The following UGT1A9 variants were observed in gnomAD, a reference collection of about 807,000 sequenced individuals.
UGT1A9 encodes UDP-glucuronosyltransferase 1A9.
Under a neutral mutation model 45.0 loss-of-function variants are expected in UGT1A9, and 35 were observed. That is an observed-to-expected ratio of 0.78 (90% CI 0.59 to 1.03). The LOEUF is 1.03. UGT1A9 is among the 50% of genes least tolerant of loss of function. The pLI, the probability that UGT1A9 is intolerant of heterozygous loss-of-function variation, is 0.00. For missense variants in UGT1A9, 687 were observed against 666.6 expected (o/e 1.03, Z -0.34); for synonymous variants, 278 against 250.6 (o/e 1.11, Z -1.03).
At position 233,768,261 on chromosome 2, in the gene UGT1A9, C is replaced by T; in HGVS notation, c.1117C>T (p.His373Tyr). The change falls in exon 4 of 5, where the codon CAT becomes TAT. Residue 373 changes from histidine to tyrosine, a missense_variant. His to Tyr is a moderately conservative substitution (Grantham distance 83). Coordinates refer to ENST00000354728, the MANE Select transcript of UGT1A9 (RefSeq NM_021027.3). ...TRAFITHAGS[H>Y]GVYESICNGV... ...TGCCTTTATCACCCATGCTGGTTCC[C>T]ATGGTGTTTATGAAAGCATATGCAA... 6.8e-6 allele frequency: 11 copies of T among 1,614,164 alleles called. No individual in the cohort carries two copies. Among genetic ancestry groups the T allele is most frequent in the Non-Finnish European group, 9.3e-6 (11 of 1,180,032 alleles).
chr2:233,709,425 C>G (rs1055346708), intron 1 of UGT1A9, among the ~76,000 whole-genome samples: 2 of 152,122 alleles, frequency 1.3e-5, no homozygotes, highest in Admixed American at 6.5e-5. Flanking sequence ...AGAATGTCCT[C>G]CAGAAAGGAT....
At chr2:233,725,000 C>T (rs545326443) in intron 1 of UGT1A9, among the ~76,000 whole-genome samples, 7 of 147,222 alleles carry the variant, frequency 4.8e-5, no homozygotes, top group Admixed American at 1.4e-4. Context: ...GGCTGGAGAC[C>T]GGCCCGGCCA....
intron 1 of UGT1A9, among the ~76,000 whole-genome samples, chr2:233,717,536 C>T (rs2076584500): frequency 6.6e-6 from 1 of 152,202 alleles, no homozygotes; most frequent in South Asian, 2.1e-4. Flanking sequence ...TAAGGGAAGC[C>T]TCAGCCTCAC....
intron 1 of UGT1A9, among the ~76,000 whole-genome samples, chr2:233,699,348 C>T (rs763342430): frequency 6.6e-6 from 1 of 152,170 alleles, no homozygotes; most frequent in Non-Finnish European, 1.5e-5. Flanking sequence ...CTAGGGCTAA[C>T]CTCTTTTCTT....
chr2:233,672,794 G>T lies in UGT1A9; in HGVS notation c.855+5G>T. The T allele has an allele frequency of 6.2e-7, 1 of 1,612,768 alleles. No homozygotes were observed. Among genetic ancestry groups the T allele is most frequent in the Non-Finnish European group, 8.5e-7 (1 of 1,179,078 alleles). On this transcript the variant is annotated splice_donor_5th_base_variant and intron_variant, in intron 1 of 4. Coordinates refer to ENST00000354728, the MANE Select transcript of UGT1A9 (RefSeq NM_021027.3). ...CAGGGAAAGCCGTTGCCTATGGTAAGTTATCTCTCCTTTAGCACCTTAAGA... is the reference window on the plus strand; with the variant it reads ...CAGGGAAAGCCGTTGCCTATGGTAATTTATCTCTCCTTTAGCACCTTAAGA...
chr2:233,683,230 TATC>T lies in UGT1A9; in HGVS notation c.855+10444_855+10446del, dbSNP rs1332464727. On this transcript the variant is annotated intron_variant, in intron 1 of 4. Coordinates refer to ENST00000354728, the MANE Select transcript of UGT1A9 (RefSeq NM_021027.3). ...TCTATTTTATCAATATAAAATCTAC[TATC>T]ATGCTGGCTATGTTTTTTTATGTTA... Among the ~76,000 whole-genome samples, 4 of 152,196 alleles carry T rather than the reference TATC, an allele frequency of 2.6e-5. No individual in the cohort carries two copies. In the East Asian group the frequency reaches 7.7e-4, roughly 29 times the overall value.
chr2:233,718,990 A>T (rs772339197), intron 1 of UGT1A9: 1 of 1,614,266 alleles, frequency 6.2e-7, no homozygotes, highest in Non-Finnish European at 8.5e-7. Flanking sequence ...AGAGGCCACC[A>T]GGCGGTGGTC....
At chr2:233,690,799 A>C (rs2075016587) in intron 1 of UGT1A9, 2 of 1,084,250 alleles carry the variant, frequency 1.8e-6, no homozygotes, top group Non-Finnish European at 2.3e-6. Flanking sequence ...ACACACACAC[A>C]CCATTCTTAG....
Position 233,747,650 on chromosome 2 carries a change from C to T in UGT1A9, c.856-19384C>T, listed in dbSNP as rs980868950. 70 of 1,587,860 alleles carry T rather than the reference C, an allele frequency of 4.4e-5. 1 individual carries two copies. The highest frequency in any genetic ancestry group is 2.1e-4 in the South Asian group (19 of 90,526). On this transcript the variant is annotated intron_variant, in intron 1 of 4. Transcript: ENST00000354728. Reference sequence around the variant, plus strand: ...TCAGGCACCTGAATGCTACTTCCTTCGATGTGGTTTTAATAGACCCAATTT... The same window carrying T: ...TCAGGCACCTGAATGCTACTTCCTTTGATGTGGTTTTAATAGACCCAATTT...
chr2:233,742,047 G>C (rs371861111), intron 1 of UGT1A9: 6 of 152,052 alleles, frequency 3.9e-5, no homozygotes, highest in South Asian at 4.1e-4. Context: ...CATAGCAATA[G>C]GATAGTTCTG....
chr2:233,729,312 C>G (rs747184472), intron 1 of UGT1A9: 38 of 1,614,236 alleles, frequency 2.4e-5, no homozygotes, highest in Admixed American at 5.0e-5. Flanking sequence ...TGGTCCTCAC[C>G]CCAGAGGTGA....
At chr2:233,738,677 A>G (rs1328958529) in intron 1 of UGT1A9, among the ~76,000 whole-genome samples, 1 of 152,198 alleles carries the variant, frequency 6.6e-6, no homozygotes, top group African/African-American at 2.4e-5. Context: ...AGATGATCTG[A>G]AATTGGAACT....
At chr2:233,706,203 G>A (rs543652035) in intron 1 of UGT1A9, among the ~76,000 whole-genome samples, 11 of 152,352 alleles carry the variant, frequency 7.2e-5, no homozygotes, top group African/African-American at 2.6e-4. Flanking sequence ...CCTCCACAAA[G>A]CTGGCCCAGG....
chr2:233,735,011 C>T (rs554046277), intron 1 of UGT1A9, among the ~76,000 whole-genome samples: 7 of 152,192 alleles, frequency 4.6e-5, no homozygotes, highest in Non-Finnish European at 1.0e-4. Flanking sequence ...GTGGAGAGTT[C>T]TGTAGATGTC....
chr2:233,758,832 A>G (rs1444502307), intron 1 of UGT1A9, among the ~76,000 whole-genome samples: 2 of 152,162 alleles, frequency 1.3e-5, no homozygotes, highest in Non-Finnish European at 2.9e-5. Context: ...CCCCAAAAAG[A>G]GTGTAATACT....
chr2:233,724,232 C>T (rs1575550946), intron 1 of UGT1A9, among the ~76,000 whole-genome samples: 6 of 120,552 alleles, frequency 5.0e-5, no homozygotes, highest in South Asian at 3.2e-4. Flanking sequence ...CCAGTAGGGG[C>T]GGCCGGGCAG....
At chr2:233,764,754 C>T (rs955406982) in intron 1 of UGT1A9, among the ~76,000 whole-genome samples, 3 of 152,116 alleles carry the variant, frequency 2.0e-5, no homozygotes, top group African/African-American at 7.2e-5. Context: ...GTGGTGCAGA[C>T]CCTAGGGAGG....
chr2:233,723,522 T>TC (rs2077093722), intron 1 of UGT1A9, among the ~76,000 whole-genome samples: 1 of 114,298 alleles, frequency 8.7e-6, no homozygotes. Flanking sequence ...CAATCTTTTT[T>TC]TTTTTTTTTT....
chr2:233,749,548 G>A (rs1179692892), intron 1 of UGT1A9, among the ~76,000 whole-genome samples: 1 of 151,762 alleles, frequency 6.6e-6, no homozygotes, highest in Non-Finnish European at 1.5e-5. Flanking sequence ...TAAAGAACAG[G>A]CTAATGTATT....
Sources: gnomAD v4.1 joint callset for allele counts (sites outside exome capture counted in the v4.1 genomes callset) on GRCh38, gnomAD v4.1.1 for gene constraint, MANE v1.5 for transcripts, NCBI Gene and HGNC (gene_info 2026-07-23, HGNC 2026-07-21) for gene names.